ENG: variants seen among roughly 807,000 people sequenced by gnomAD.
ENG encodes the protein endoglin.
In ENG, 17 loss-of-function variants were observed where a neutral mutation model predicts 71.0. The ratio of observed to expected loss-of-function variants is 0.24; its 90% CI spans 0.16 to 0.36. The LOEUF is 0.36. ENG is among the 10% of genes least tolerant of loss of function. The pLI is 1.00. For missense variants in ENG, 749 were observed against 868.3 expected, an observed-to-expected ratio of 0.86 and a Z score of 1.73; for synonymous variants, 360 against 366.9, an observed-to-expected ratio of 0.98 and a Z score of 0.21.
chr9:127,834,699 A>G (rs758146068), intron 2 of ENG, among the ~76,000 whole-genome samples: 73 of 151,334 alleles, frequency 4.8e-4, no homozygotes, highest in South Asian at 6.3e-4. Flanking sequence ...CACCACGCCC[A>G]GCCTAATTTT....
rs1458457347 is a variant in ENG at position 127,815,650 on chromosome 9, C to A, written c.*32G>T. On this transcript the variant is annotated 3_prime_UTR_variant, in exon 15 of 15. Coordinates refer to ENST00000373203, the MANE Select transcript of ENG (RefSeq NM_001114753.3). ...TGCTCCCAGCTGGCGGCTGCTCAGT[C>A]TCTCCTGCTGGGCGAGCGCGGGGGG... 1 of 1,544,182 alleles carries A rather than the reference C, an allele frequency of 6.5e-7. No individual in the cohort carries two copies. The highest frequency in any genetic ancestry group is 1.2e-5 in the South Asian group (1 of 84,392).
rs770443899 is a variant in ENG at position 127,817,143 on chromosome 9, G to A, written c.1741+6C>T. On this transcript the variant is annotated splice_donor_region_variant and intron_variant, in intron 13 of 14. Transcript: ENST00000373203. Reference sequence around the variant, plus strand: ...AACAAACCCGAGAGACCTGGAGGGAGCTCACCAGACAGGTCAGGGCTGATG... The same window carrying A: ...AACAAACCCGAGAGACCTGGAGGGAACTCACCAGACAGGTCAGGGCTGATG... The A allele has an allele frequency of 1.9e-6, 3 of 1,614,208 alleles. No homozygotes were observed. Among genetic ancestry groups the A allele is most frequent in the Admixed American group, 3.3e-5 (2 of 60,024 alleles).
chr9:127,818,586 T>A, intron 11 of ENG, 130 bp downstream of exon 11: 2 of 1,373,190 alleles, frequency 1.5e-6, no homozygotes, highest in Admixed American at 1.7e-5. Context: ...TCTCTCCCTC[T>A]CCCGTGCACC....
chr9:127,817,540 G>A (rs1385399742), intron 12 of ENG, among the ~76,000 whole-genome samples: 1 of 152,164 alleles, frequency 6.6e-6, no homozygotes, highest in Non-Finnish European at 1.5e-5. Context: ...TCTGGCTGGA[G>A]GGAGAGGCCC....
chr9:127,833,317 T>G (rs1315827230), intron 2 of ENG, among the ~76,000 whole-genome samples: 1 of 149,144 alleles, frequency 6.7e-6, no homozygotes, highest in African/African-American at 2.5e-5. Flanking sequence ...AGGTTGGGAG[T>G]TCAAGACCAA....
rs527998664 is a variant in ENG at position 127,835,584 on chromosome 9, A to G, written c.220-5757T>C. 2.0e-5 allele frequency among the ~76,000 whole-genome samples: 3 copies of G among 152,292 alleles called. No individual in the cohort carries two copies. The South Asian group carries it at 6.2e-4, about 32-fold the overall frequency. ...CCATGGTGACACCCACAGGCCAAGC[A>G]TGCTGCAGAAGCCAGAGTGCAGTCT... is the stretch of plus-strand genomic sequence containing the variant. On this transcript the variant is annotated intron_variant, in intron 2 of 14. Coordinates refer to ENST00000373203, the MANE Select transcript of ENG (RefSeq NM_001114753.3).
rs145847335 is a variant in ENG, at chr9:127,848,432, G to A, written c.68-5187C>T. On this transcript the variant is annotated intron_variant, in intron 1 of 14. Transcript: ENST00000373203. ...GCCTCCCGAGCAGCTACAGGTATGA[G>A]TCATTATGCCCAACTAAATTTTAAA... Among the ~76,000 whole-genome samples the A allele has an allele frequency of 9.6e-4, 146 of 152,154 alleles. 1 individual carries two copies. Among genetic ancestry groups the A allele is most frequent in the Middle Eastern group, 3.4e-3 (1 of 294 alleles).
rs1376376543 is a variant in ENG, at chr9:127,836,535, C to T, written c.219+6559G>A. On this transcript the variant is annotated intron_variant, in intron 2 of 14. Transcript: ENST00000373203. The surrounding 1 kb of genome is among the most constrained non-coding windows in gnomAD (Gnocchi z 4.0). ...TGGAGGCGGTCAGATTGGAGCCAGC[C>T]GTCCCTCTGTCCACCCCAGAAAACT... 1.3e-5 allele frequency among the ~76,000 whole-genome samples: 2 copies of T among 152,226 alleles called. No individual in the cohort carries two copies. The highest frequency in any genetic ancestry group is 2.9e-5 in the Non-Finnish European group (2 of 68,048).
intron 1 of ENG, among the ~76,000 whole-genome samples, chr9:127,853,837 CAGTCCCCCAGG>C (rs1403638605): frequency 2.0e-5 from 3 of 152,250 alleles, no homozygotes; most frequent in Non-Finnish European, 4.4e-5. Context: ...GGCCCGAAGG[CAGTCCCCCAGG>C]ATCACACCAC....
intron 8 of ENG, 76 bp from the exon 9 acceptor site, chr9:127,820,113 G>A: frequency 1.3e-6 from 2 of 1,560,416 alleles, no homozygotes; most frequent in South Asian, 2.4e-5. Flanking sequence ...ACCAAGGACT[G>A]ACCACAACCC....
intron 2 of ENG, among the ~76,000 whole-genome samples, chr9:127,834,430 G>A (rs972746716): frequency 1.5e-4 from 23 of 151,734 alleles, no homozygotes; most frequent in Non-Finnish European, 2.6e-4. Flanking sequence ...CTTTTTTTGA[G>A]ATGGAGTCTT....
At chr9:127,844,041 G>C (rs1831114406) in intron 1 of ENG, among the ~76,000 whole-genome samples, 1 of 149,568 alleles carries the variant, frequency 6.7e-6, no homozygotes, top group African/African-American at 2.4e-5. Flanking sequence ...AAAGTGCTGG[G>C]ATTACAGGCG....
At chr9:127,828,731 A>G (rs1428047624) in intron 3 of ENG, among the ~76,000 whole-genome samples, 5 of 151,926 alleles carry the variant, frequency 3.3e-5, no homozygotes, top group African/African-American at 1.2e-4. Flanking sequence ...TGGCTTGGTC[A>G]TGTCTGACTG....
At chr9:127,848,463 T>C (rs1368871887) in intron 1 of ENG, among the ~76,000 whole-genome samples, 3 of 152,188 alleles carry the variant, frequency 2.0e-5, no homozygotes, top group South Asian at 2.1e-4. Context: ...TTAAAAATAT[T>C]TGTGGAGAAA....
chr9:127,832,837 A>G (rs41335344), intron 2 of ENG: 3,205 of 152,116 alleles, frequency 0.021, 62 homozygotes, highest in East Asian at 0.11. Context: ...GCTCACTGCA[A>G]CCTCCACCTC....
rs373575704 is a variant in ENG at position 127,818,418 on chromosome 9, C to G, written c.1429-41G>C. The stretch of plus-strand genomic sequence containing the variant: ...GGGCCACGCGGCATGGGCAGCTGCT[C>G]TTCACCCCACCCCACCTGCTGCCTT... On this transcript the variant is annotated intron_variant, in intron 11 of 14. Transcript: ENST00000373203. The G allele has an allele frequency of 2.5e-6, 4 of 1,608,684 alleles. No individual in the cohort carries two copies. In the East Asian group the frequency reaches 8.9e-5, roughly 36 times the overall value.
At chr9:127,840,870 G>T (rs1320178703) in intron 2 of ENG, among the ~76,000 whole-genome samples, 1 of 152,228 alleles carries the variant, frequency 6.6e-6, no homozygotes, top group Non-Finnish European at 1.5e-5. Context: ...TTGTTGTCAT[G>T]AACTCAAGGA....
intron 2 of ENG, among the ~76,000 whole-genome samples, chr9:127,832,219 C>T (rs370689138): frequency 6.6e-6 from 1 of 151,592 alleles, no homozygotes; most frequent in East Asian, 1.9e-4. Context: ...GGACTACAGG[C>T]GATTGCCACC....
intron 6 of ENG, 123 bp downstream of exon 6, chr9:127,825,108 T>C (rs1244276631): frequency 6.3e-7 from 1 of 1,596,014 alleles, no homozygotes; most frequent in African/African-American, 1.3e-5. Context: ...GCCCCTTCCC[T>C]CACGTATGGG....
Sources: gnomAD v4.1 joint callset for allele counts (sites outside exome capture counted in the v4.1 genomes callset) on GRCh38, gnomAD v4.1.1 for gene constraint, Gnocchi (gnomAD v3.1) non-coding constraint, MANE v1.5 for transcripts, NCBI Gene and HGNC (gene_info 2026-07-23, HGNC 2026-07-21) for gene names.